The following RXFP2 variants were observed in gnomAD, a reference collection of about 807,000 sequenced individuals.
RXFP2 encodes the protein relaxin family peptide receptor 2, also known as relaxin receptor 2.
A neutral mutation model predicts 88.6 loss-of-function variants in RXFP2; 68 were observed. That is an observed-to-expected ratio of 0.77 (90% CI 0.63 to 0.94). RXFP2 has a LOEUF of 0.94. Among genes scored for constraint, RXFP2 ranks in the 40% least tolerant of loss-of-function variants. The pLI, the probability that RXFP2 is intolerant of heterozygous loss-of-function variation, is 0.00. For missense variants in RXFP2, 791 were observed against 893.9 expected (o/e 0.88, Z 1.47); for synonymous variants, 329 against 306.8 (o/e 1.07, Z -0.76).
At chr13:31,750,457 TA>T (rs1289515254) in intron 1 of RXFP2, among the ~76,000 whole-genome samples, 1 of 152,156 alleles carries the variant, frequency 6.6e-6, no homozygotes, top group East Asian at 1.9e-4. Flanking sequence ...TTTAACAAAC[TA>T]AAACATTAGT....
intron 16 of RXFP2, 93 bp downstream of exon 16, chr13:31,793,181 G>A: frequency 8.6e-7 from 1 of 1,161,704 alleles, no homozygotes; most frequent in Non-Finnish European, 1.2e-6. Flanking sequence ...TTCAGAAAGT[G>A]AGATAACATA....
rs752203226 is a variant in RXFP2, at chr13:31,791,806, T to C, written c.1146T>C (p.Ile382=). 1.2e-6 allele frequency: 2 copies of C among 1,611,748 alleles called. No homozygotes were observed. Among genetic ancestry groups the C allele is most frequent in the Non-Finnish European group, 1.7e-6 (2 of 1,177,822 alleles). The change falls in exon 15 of 18, where the codon ATT becomes ATC. Residue 382 remains isoleucine (I), a splice_region_variant and synonymous_variant. Transcript: ENST00000298386. ...MFQPMKNLSH[I]YFKNFRYCSY... is the part of the protein sequence containing the mutation. The stretch of plus-strand genomic sequence containing the variant: ...ACACTTTTTTTCCCTTTGACTTTAG[T>C]TATTTCAAAAACTTTCGATACTGCT...
chr13:31,764,243 T>TCTCTCA (rs1262150474), intron 3 of RXFP2, among the ~76,000 whole-genome samples: 1 of 131,774 alleles, frequency 7.6e-6, no homozygotes, highest in African/African-American at 2.8e-5. Context: ...TCTCTCTCTT[T>TCTCTCA]CACACACACA....
At chr13:31,755,584 G>A (rs1358475035) in intron 1 of RXFP2, among the ~76,000 whole-genome samples, 1 of 152,058 alleles carries the variant, frequency 6.6e-6, no homozygotes, top group African/African-American at 2.4e-5. Context: ...TGACTCTCTC[G>A]TTCATGTTCC....
rs764055268 is a variant in RXFP2, at chr13:31,765,137, A to G, written c.420A>G (p.Thr140=). The stretch of plus-strand genomic sequence containing the variant: ...TGCCGATGATTTCTAACAATGTGAC[A>G]TTACTGTGAGTAAAACTTAATTATT... The part of the protein sequence containing the change: ...KSVPMISNNV[T]LLSLKKNKIH... The change falls in exon 4 of 18, where the codon ACA becomes ACG. Residue 140 remains threonine, a synonymous_variant. Coordinates refer to ENST00000298386, the MANE Select transcript of RXFP2 (RefSeq NM_130806.5). The G allele has an allele frequency of 1.5e-5, 23 of 1,576,012 alleles. No homozygotes were observed. Among genetic ancestry groups the G allele is most frequent in the Non-Finnish European group, 1.9e-5 (22 of 1,145,660 alleles).
chr13:31,793,157 G>T (rs1335667660), intron 16 of RXFP2, 69 bp downstream of exon 16: 3 of 1,378,450 alleles, frequency 2.2e-6, no homozygotes, highest in Admixed American at 3.6e-5. Context: ...TTCAGCAAAG[G>T]TGGATTTGTT....
intron 11 of RXFP2, among the ~76,000 whole-genome samples, chr13:31,783,400 A>T (rs1203805070): frequency 6.6e-6 from 1 of 152,206 alleles, no homozygotes; most frequent in Non-Finnish European, 1.5e-5. Context: ...CATAGCAGTG[A>T]TTAGGATAGA....
At position 31,792,821 on chromosome 13, in the gene RXFP2, G is replaced by A. The variant is rs752942567; in HGVS notation, c.1519G>A (p.Glu507Lys). 11 of 1,614,008 alleles carry A rather than the reference G, an allele frequency of 6.8e-6. No individual in the cohort carries two copies. The highest frequency in any genetic ancestry group is 2.2e-5 in the East Asian group (1 of 44,888). Residue 507 changes from glutamate (E) to lysine (K), a missense_variant, in exon 16 of 18, where the codon GAA (glutamate) becomes AAA (lysine). Glu to Lys is a moderately conservative substitution (Grantham distance 56). Coordinates refer to ENST00000298386, the MANE Select transcript of RXFP2 (RefSeq NM_130806.5). Reference protein sequence around the residue: ...LMGFLAMLSTEVSVLLLTYLT... With the variant: ...LMGFLAMLSTKVSVLLLTYLT... The stretch of plus-strand genomic sequence containing the variant: ...GGGGTTCCTGGCCATGCTGTCCACC[G>A]AAGTCTCTGTTCTGCTACTGACCTA...
At chr13:31,792,370 T>A (rs1338155280) in intron 15 of RXFP2, among the ~76,000 whole-genome samples, 1 of 152,188 alleles carries the variant, frequency 6.6e-6, no homozygotes, top group African/African-American at 2.4e-5. Context: ...GGAAAATGAT[T>A]CCCTTTATTA....
intron 7 of RXFP2, among the ~76,000 whole-genome samples, chr13:31,776,186 CTTTCTTTCTTT>C (rs1566228080): frequency 1.4e-5 from 2 of 143,694 alleles, no homozygotes; most frequent in African/African-American, 5.2e-5. Context: ...CTCTTTCTCT[CTTTCTTTCTTT>C]TTTCTTTCTT....
chr13:31,760,073 G>A (rs1872228243), intron 2 of RXFP2, among the ~76,000 whole-genome samples: 2 of 150,558 alleles, frequency 1.3e-5, no homozygotes, highest in African/African-American at 2.5e-5. Flanking sequence ...CAGTGTTGTT[G>A]TTGTTTGTTT....
At chr13:31,781,814 C>G in intron 10 of RXFP2, 72 bp downstream of exon 10, 1 of 1,267,986 alleles carries the variant, frequency 7.9e-7, no homozygotes, top group Non-Finnish European at 1.1e-6. Flanking sequence ...AAAACATTGA[C>G]AAAAAATTTT....
rs1185590377 is a variant in RXFP2 at position 31,791,962 on chromosome 13, T to G, written c.1302T>G (p.Leu434=). Residue 434 remains leucine, a synonymous_variant, in exon 15 of 18, where the codon CTT becomes CTG. Transcript: ENST00000298386. ...CTTTCATTACCTGCTTTGGAAATCTTTTTGTCATTGGCATGAGATCTTTCA... is the reference window on the plus strand; with the variant it reads ...CTTTCATTACCTGCTTTGGAAATCTGTTTGTCATTGGCATGAGATCTTTCA... ...VIAFITCFGN[L]FVIGMRSFIK... is the part of the protein sequence containing the mutation. 4 of 1,614,206 alleles carry G rather than the reference T, an allele frequency of 2.5e-6. No individual in the cohort carries two copies. In the East Asian group the frequency reaches 6.7e-5, roughly 27 times the overall value.
At chr13:31,759,808 G>A (rs1277567557) in intron 2 of RXFP2, among the ~76,000 whole-genome samples, 8 of 152,108 alleles carry the variant, frequency 5.3e-5, no homozygotes, top group Admixed American at 5.2e-4. Context: ...CCCACAGCAT[G>A]CATCTCTAGA....
intron 1 of RXFP2, among the ~76,000 whole-genome samples, chr13:31,745,026 C>T (rs1442473931): frequency 6.6e-6 from 1 of 151,992 alleles, no homozygotes; most frequent in Non-Finnish European, 1.5e-5. Flanking sequence ...AAAAATTAGC[C>T]AGACGTGGTG....
At chr13:31,785,794 G>T (rs1593466754) in intron 11 of RXFP2, among the ~76,000 whole-genome samples, 1 of 152,014 alleles carries the variant, frequency 6.6e-6, no homozygotes, top group East Asian at 1.9e-4. Flanking sequence ...ACATTTTATA[G>T]AGTCACTTTC....
At chr13:31,754,726 T>C (rs956618755) in intron 1 of RXFP2, among the ~76,000 whole-genome samples, 2 of 152,232 alleles carry the variant, frequency 1.3e-5, no homozygotes, top group African/African-American at 4.8e-5. Flanking sequence ...TTTTCCTTGG[T>C]TATTTATCAT....
At chr13:31,776,134 CTT>C (rs1424237687) in intron 7 of RXFP2, among the ~76,000 whole-genome samples, 1 of 139,780 alleles carries the variant, frequency 7.2e-6, no homozygotes, top group African/African-American at 2.7e-5. Context: ...TTCTTTCTTT[CTT>C]TCTTTCTCTT....
At chr13:31,802,089 T>C (rs995480375) in intron 17 of RXFP2, 57 bp from the exon 18 acceptor site, 1 of 1,553,038 alleles carries the variant, frequency 6.4e-7, no homozygotes, top group Non-Finnish European at 8.9e-7. Flanking sequence ...GTGTTATTTG[T>C]ATTTTATGTC....
Sources: gnomAD v4.1 joint callset for allele counts (sites outside exome capture counted in the v4.1 genomes callset) on GRCh38, gnomAD v4.1.1 for gene constraint, MANE v1.5 for transcripts, NCBI Gene and HGNC (gene_info 2026-07-23, HGNC 2026-07-21) for gene names.